MCOLN2: variants seen among roughly 807,000 people sequenced by gnomAD.
MCOLN2 encodes the protein mucolipin-2.
A neutral mutation model predicts 67.5 loss-of-function variants in MCOLN2; 57 were observed. The ratio of observed to expected loss-of-function variants is 0.84; its 90% CI spans 0.68 to 1.05. The LOEUF (loss-of-function observed/expected upper bound fraction) is 1.05, where lower values mean the gene tolerates loss of function less well. MCOLN2 is among the 50% of genes least tolerant of loss of function. MCOLN2 has a pLI of 0.00. For synonymous variants in MCOLN2, 246 were observed against 233.3 expected, an observed-to-expected ratio of 1.05 and a Z score of -0.50; for missense variants, 620 against 678.8, an observed-to-expected ratio of 0.91 and a Z score of 0.96.
intron 8 of MCOLN2, 83 bp from the exon 9 acceptor site, chr1:84,939,785 A>C: frequency 6.9e-6 from 10 of 1,452,414 alleles, no homozygotes; most frequent in African/African-American, 1.4e-5. Flanking sequence ...CAGTGCTCTC[A>C]CCTGTAAAAG....
chr1:84,932,052 A>T (rs540937807), intron 11 of MCOLN2, among the ~76,000 whole-genome samples: 29 of 143,776 alleles, frequency 2.0e-4, no homozygotes, highest in African/African-American at 7.3e-4. Flanking sequence ...ACACACACAC[A>T]CCCCTCCATA....
chr1:84,929,461 G>A, intron 13 of MCOLN2, 97 bp downstream of exon 13: 1 of 1,322,258 alleles, frequency 7.6e-7, no homozygotes, highest in Non-Finnish European at 1.0e-6. Context: ...CCCATGATAA[G>A]CTGGTCTCTG....
intron 7 of MCOLN2, among the ~76,000 whole-genome samples, chr1:84,943,816 A>G (rs559693322): frequency 6.6e-5 from 10 of 152,332 alleles, no homozygotes; most frequent in Admixed American, 6.5e-4. Context: ...AGTCTGTGTG[A>G]AGTGCTTGTT....
chr1:84,960,667 T>C (rs1194419043), intron 2 of MCOLN2, among the ~76,000 whole-genome samples: 1 of 152,226 alleles, frequency 6.6e-6, no homozygotes, highest in Non-Finnish European at 1.5e-5. Context: ...GCATGTGATG[T>C]CTGTCAATGG....
intron 1 of MCOLN2, among the ~76,000 whole-genome samples, chr1:84,979,746 T>C (rs1650164776): frequency 6.6e-6 from 1 of 152,178 alleles, no homozygotes; most frequent in Non-Finnish European, 1.5e-5. Flanking sequence ...CTGAAAGCCT[T>C]TCCTCTCAGA....
chr1:84,996,727 G>C, intron 1 of MCOLN2, 69 bp downstream of exon 1: 1 of 1,407,198 alleles, frequency 7.1e-7, no homozygotes, highest in Non-Finnish European at 1.0e-6. Context: ...GTCTACGAAA[G>C]TAAAGCCATC....
chr1:84,960,278 T>C (rs770170773), intron 2 of MCOLN2, among the ~76,000 whole-genome samples: 1 of 152,156 alleles, frequency 6.6e-6, no homozygotes, highest in Non-Finnish European at 1.5e-5. Context: ...GTTATTCCAT[T>C]TTACATACGT....
At chr1:84,962,219 A>G (rs1259669207) in intron 2 of MCOLN2, among the ~76,000 whole-genome samples, 1 of 152,218 alleles carries the variant, frequency 6.6e-6, no homozygotes, top group Non-Finnish European at 1.5e-5. Flanking sequence ...TGAAAAGTAA[A>G]CTACAGTTCC....
chr1:84,946,919 G>A lies in MCOLN2; in HGVS notation c.847+114C>T, dbSNP rs186793249. On this transcript the variant is annotated intron_variant, in intron 7 of 13. Transcript: ENST00000370608. Reference sequence around the variant, plus strand: ...ATATTCTTTACAGGATCTAATGCTCGAGGCGGTTTTCTTCCTATTATCATG... The same window carrying A: ...ATATTCTTTACAGGATCTAATGCTCAAGGCGGTTTTCTTCCTATTATCATG... 2.0e-3 allele frequency: 1,170 copies of A among 593,354 alleles called. 7 individuals carry two copies. The highest frequency in any genetic ancestry group is 1.7e-3 in the Non-Finnish European group (566 of 328,974). The allele number at this position is 593,354 out of a possible 1,614,324, so 36.8% of individuals were successfully genotyped here.
intron 6 of MCOLN2, 41 bp from the exon 7 acceptor site, chr1:84,947,173 A>T: frequency 1.0e-6 from 1 of 979,972 alleles, no homozygotes. Context: ...ACACAGAAGA[A>T]AGTATAACAT....
At chr1:84,963,573 C>A (rs767448007) in intron 2 of MCOLN2, among the ~76,000 whole-genome samples, 14 of 152,180 alleles carry the variant, frequency 9.2e-5, no homozygotes, top group Non-Finnish European at 1.6e-4. Context: ...GAGGGGCCTC[C>A]TGGTGACAGG....
chr1:84,976,032 G>C (rs748429216), intron 1 of MCOLN2, among the ~76,000 whole-genome samples: 22 of 152,058 alleles, frequency 1.4e-4, no homozygotes, highest in Non-Finnish European at 2.6e-4. Context: ...ATGCCTACAG[G>C]ATCCAGGAAA....
intron 1 of MCOLN2, 54 bp downstream of exon 1, chr1:84,996,742 T>G: frequency 6.6e-7 from 1 of 1,520,112 alleles, no homozygotes; most frequent in Non-Finnish European, 9.1e-7. Context: ...GCCATCGACT[T>G]TAGGAAGATT....
At chr1:84,938,138 G>T in intron 9 of MCOLN2, 56 bp from the exon 10 acceptor site, 1 of 1,274,330 alleles carries the variant, frequency 7.8e-7, no homozygotes, top group Non-Finnish European at 1.1e-6. Context: ...ACTCCACTTA[G>T]CTTATTAGCC....
chr1:84,970,050 G>A (rs2102865216), intron 1 of MCOLN2, among the ~76,000 whole-genome samples: 1 of 152,334 alleles, frequency 6.6e-6, no homozygotes, highest in Admixed American at 6.5e-5. Context: ...CAGATCTCCT[G>A]AGAACATGCC....
chr1:84,976,553 G>A lies in MCOLN2; in HGVS notation c.78-10845C>T, dbSNP rs551650252. On this transcript the variant is annotated intron_variant, in intron 1 of 13. Coordinates refer to ENST00000370608, the MANE Select transcript of MCOLN2 (RefSeq NM_153259.4). ...GAGGCCGAGGTGGGTGGATCACGAT[G>A]TCAGGAGTTCGAGACCAGTCTGACC... 4.6e-5 allele frequency among the ~76,000 whole-genome samples: 7 copies of A among 152,244 alleles called. No homozygotes were observed. The South Asian group carries it at 1.2e-3, about 27-fold the overall frequency.
At chr1:84,972,761 C>T (rs1007898722) in intron 1 of MCOLN2, among the ~76,000 whole-genome samples, 9 of 152,206 alleles carry the variant, frequency 5.9e-5, no homozygotes, top group South Asian at 4.1e-4. Context: ...AAGAGTCTAA[C>T]GGAAGCCTGA....
chr1:84,959,689 C>T lies in MCOLN2; in HGVS notation c.238-987G>A, dbSNP rs1648978322. 1.3e-5 allele frequency among the ~76,000 whole-genome samples: 2 copies of T among 152,148 alleles called. 1 individual carries two copies. The highest frequency in any genetic ancestry group is 6.3e-3 in the Middle Eastern group (2 of 316). On this transcript the variant is annotated intron_variant, in intron 2 of 13. Coordinates refer to ENST00000370608, the MANE Select transcript of MCOLN2 (RefSeq NM_153259.4). The stretch of plus-strand genomic sequence containing the variant: ...CTTTCCCCACCTCCCTAAGTGATTT[C>T]TTCAGCTGCCTTATAAAACAATGAG...
chr1:84,968,576 T>C (rs566307633), intron 1 of MCOLN2, among the ~76,000 whole-genome samples: 1 of 152,330 alleles, frequency 6.6e-6, no homozygotes, highest in East Asian at 1.9e-4. Flanking sequence ...ATCTGTGATA[T>C]TATGACATAC....
Sources: gnomAD v4.1 joint callset for allele counts (sites outside exome capture counted in the v4.1 genomes callset) on GRCh38, gnomAD v4.1.1 for gene constraint, MANE v1.5 for transcripts, NCBI Gene and HGNC (gene_info 2026-07-23, HGNC 2026-07-21) for gene names.